The following CDH4 variants were observed in gnomAD, a reference collection of about 807,000 sequenced individuals.
The protein encoded by CDH4 is cadherin-4.
Under a neutral mutation model 86.0 loss-of-function variants are expected in CDH4, and 33 were observed. That is an observed-to-expected ratio of 0.38 (90% confidence interval 0.29 to 0.51). The LOEUF (loss-of-function observed/expected upper bound fraction) is 0.51. Among genes scored for constraint, CDH4 ranks in the 20% least tolerant of loss-of-function variants. CDH4 has a pLI of 0.86. For synonymous variants in CDH4, 555 were observed against 549.4 expected, an observed-to-expected ratio of 1.01 and a Z score of -0.14; for missense variants, 1,114 against 1,307.4, an observed-to-expected ratio of 0.85 and a Z score of 2.28.
chr20:61,824,863 G>T (rs575639466), intron 4 of CDH4, among the ~76,000 whole-genome samples: 1 of 152,196 alleles, frequency 6.6e-6, no homozygotes, highest in African/African-American at 2.4e-5. Context: ...AGACCACAAA[G>T]TGAATTTAAA....
intron 5 of CDH4, among the ~76,000 whole-genome samples, chr20:61,848,155 A>G (rs1600708585): frequency 6.6e-6 from 1 of 152,244 alleles, no homozygotes; most frequent in Non-Finnish European, 1.5e-5. Context: ...GGTGGGGACC[A>G]GGGACCTGGG....
rs962011783 is a variant in CDH4, at chr20:61,486,742, A to G, written c.169+231805A>G. ...TCACCTCTTAAAAAAAAAATTAAGT[A>G]GCCAGTTATGGTAGTATGTGCCTGT... is the stretch of plus-strand genomic sequence containing the variant. On this transcript the variant is annotated intron_variant, in intron 2 of 15. Transcript: ENST00000614565. Among the ~76,000 whole-genome samples the G allele has an allele frequency of 2.6e-5, 4 of 152,034 alleles. No individual in the cohort carries two copies. The South Asian group carries it at 8.3e-4, about 32-fold the overall frequency.
At chr20:61,612,636 A>G (rs1232861740) in intron 2 of CDH4, among the ~76,000 whole-genome samples, 1 of 152,116 alleles carries the variant, frequency 6.6e-6, no homozygotes, top group Admixed American at 6.5e-5. Flanking sequence ...TGGGGATGTA[A>G]CCATGGCCAA....
intron 2 of CDH4, among the ~76,000 whole-genome samples, chr20:61,498,330 A>G (rs1027927850): frequency 1.3e-5 from 2 of 152,232 alleles, no homozygotes; most frequent in African/African-American, 4.8e-5. Context: ...AAGGAGTTTC[A>G]GAATGTTCTA....
intron 2 of CDH4, among the ~76,000 whole-genome samples, chr20:61,304,862 G>GTA (rs1406303739): frequency 6.6e-6 from 1 of 151,482 alleles, no homozygotes; most frequent in African/African-American, 2.4e-5. Flanking sequence ...CGTGTATTGT[G>GTA]TGTGTGTGTG....
intron 2 of CDH4, among the ~76,000 whole-genome samples, chr20:61,476,522 C>A (rs565239041): frequency 6.6e-6 from 1 of 152,320 alleles, no homozygotes; most frequent in Non-Finnish European, 1.5e-5. Context: ...GGTTGTACCT[C>A]CACATTACAG....
rs35620811 is a variant in CDH4 at position 61,269,524 on chromosome 20, TC to T, written c.169+14590del. 6.6e-6 allele frequency among the ~76,000 whole-genome samples: 1 copy of T among 152,096 alleles called. No homozygotes were observed. Among genetic ancestry groups the T allele is most frequent in the Non-Finnish European group, 1.5e-5 (1 of 68,008 alleles). ...GGAAGACCCAGCAGGGTGATCCGTG[TC>T]CCTGTGTATGGAGGCACCAGGCTCT... On this transcript the variant is annotated intron_variant, in intron 2 of 15. Transcript: ENST00000614565. This position sits in a 1 kb window ranked among gnomAD's most constrained non-coding sequence, Gnocchi z 5.3.
chr20:61,809,214 C>T (rs575987234), intron 4 of CDH4, among the ~76,000 whole-genome samples: 1 of 152,144 alleles, frequency 6.6e-6, no homozygotes, highest in Non-Finnish European at 1.5e-5. Flanking sequence ...CTAGGAAGGA[C>T]GTGCTGTCAT....
intron 2 of CDH4, among the ~76,000 whole-genome samples, chr20:61,260,934 C>A (rs1222047270): frequency 6.6e-6 from 1 of 152,242 alleles, no homozygotes; most frequent in Non-Finnish European, 1.5e-5. Context: ...ACAGAAAGCG[C>A]TGCATGGTGC....
intron 2 of CDH4, among the ~76,000 whole-genome samples, chr20:61,584,813 G>C (rs1301490927): frequency 1.3e-5 from 2 of 152,176 alleles, no homozygotes; most frequent in East Asian, 1.9e-4. Context: ...TGACAGCTGC[G>C]AGGCTAACGC....
intron 2 of CDH4, among the ~76,000 whole-genome samples, chr20:61,447,560 C>T (rs1319009661): frequency 2.7e-5 from 4 of 150,612 alleles, no homozygotes; most frequent in South Asian, 2.1e-4. Context: ...TTTAATCATT[C>T]GGGGTCTCCT....
In CDH4 at chr20:61,417,052, A is replaced by G. The variant is rs2085151069; in HGVS notation, c.169+162115A>G. Reference sequence around the variant, plus strand: ...GGAAACACCAATTCAGAACACAGCAAGACTGGCGCAGCCTGGCATTACTGC... The same window carrying G: ...GGAAACACCAATTCAGAACACAGCAGGACTGGCGCAGCCTGGCATTACTGC... On this transcript the variant is annotated intron_variant, in intron 2 of 15. Transcript: ENST00000614565. The surrounding 1 kb of genome is among the most constrained non-coding windows in gnomAD (Gnocchi z 4.0). 6.6e-6 allele frequency among the ~76,000 whole-genome samples: 1 copy of G among 152,182 alleles called. No homozygotes were observed.
rs191093621 is a variant in CDH4, at chr20:61,809,647, T to C, written c.577-35021T>C. On this transcript the variant is annotated intron_variant, in intron 4 of 15. Coordinates refer to ENST00000614565, the MANE Select transcript of CDH4 (RefSeq NM_001794.5). ...GCCTATGCCGGGGACTGCATGACAA[T>C]GGGCAGATGAGGAGGCCAAAGCTGG... Among the ~76,000 whole-genome samples, 560 of 152,276 alleles carry C rather than the reference T, an allele frequency of 3.7e-3. 3 individuals carry two copies. Among genetic ancestry groups the C allele is most frequent in the Non-Finnish European group, 5.8e-3 (393 of 68,030 alleles).
chr20:61,276,176 A>G (rs577076328), intron 2 of CDH4, among the ~76,000 whole-genome samples: 1 of 152,362 alleles, frequency 6.6e-6, no homozygotes, highest in African/African-American at 2.4e-5. Flanking sequence ...TTGGCACAGA[A>G]AAACCTCTTC....
chr20:61,439,690 C>T (rs2085304460), intron 2 of CDH4, among the ~76,000 whole-genome samples: 1 of 152,242 alleles, frequency 6.6e-6, no homozygotes. Flanking sequence ...ATGAGTCAGA[C>T]AGTCACTGGC....
intron 2 of CDH4, among the ~76,000 whole-genome samples, chr20:61,652,938 A>ATTTTTTTATTTTTTTTTTT (rs1555819717): frequency 2.1e-5 from 2 of 97,402 alleles, no homozygotes; most frequent in African/African-American, 6.8e-5. Context: ...TTATTTATTT[A>ATTTTTTTATTTTTTTTTTT]TTTTTTTTTT....
chr20:61,447,624 CTTTTTTTTTTTT>C (rs11204461), intron 2 of CDH4, among the ~76,000 whole-genome samples: 26 of 102,034 alleles, frequency 2.5e-4, no homozygotes, highest in Admixed American at 9.4e-4. Context: ...ATTCTACTTC[CTTTTTTTTTTTT>C]TTTTTTTTTA....
chr20:61,606,588 G>C (rs1276462387), intron 2 of CDH4, among the ~76,000 whole-genome samples: 1 of 152,246 alleles, frequency 6.6e-6, no homozygotes. Flanking sequence ...TGGCAAAGGG[G>C]CCAGACCCCC....
At chr20:61,428,065 CTT>C in intron 2 of CDH4, among the ~76,000 whole-genome samples, 1 of 152,300 alleles carries the variant, frequency 6.6e-6, no homozygotes, top group Middle Eastern at 3.4e-3. Flanking sequence ...AGGTCGCACC[CTT>C]TCCGAGTCAT....
Sources: allele counts gnomAD v4.1 joint callset (sites outside exome capture counted in the v4.1 genomes callset), GRCh38; gene constraint gnomAD v4.1.1; non-coding constraint Gnocchi (gnomAD v3.1); transcripts MANE v1.5; gene names NCBI Gene and HGNC (gene_info 2026-07-23, HGNC 2026-07-21).